Variants in TRUB1 observed in about 807,000 individuals in gnomAD.
The protein encoded by TRUB1 is pseudouridylate synthase TRUB1.
Under a neutral mutation model 33.9 loss-of-function variants are expected in TRUB1, and 23 were observed. The observed-to-expected ratio is 0.68, with a 90% CI of 0.49 to 0.96. The LOEUF (loss-of-function observed/expected upper bound fraction) is 0.96, where lower values mean the gene tolerates loss of function less well. TRUB1 is among the 40% of genes least tolerant of loss of function. The pLI, the probability that TRUB1 is intolerant of heterozygous loss-of-function variation, is 0.00. For missense variants in TRUB1, 378 were observed against 422.2 expected, an observed-to-expected ratio of 0.90 and a Z score of 0.92; for synonymous variants, 163 against 165.4, an observed-to-expected ratio of 0.99 and a Z score of 0.11.
intron 4 of TRUB1, among the ~76,000 whole-genome samples, chr10:114,961,045 T>C (rs1481507833): frequency 6.6e-6 from 1 of 152,154 alleles, no homozygotes; most frequent in African/African-American, 2.4e-5. Flanking sequence ...TAGACAAATC[T>C]GGGTTTAATT....
At chr10:114,961,327 A>G (rs756314175) in intron 4 of TRUB1, among the ~76,000 whole-genome samples, 4 of 152,108 alleles carry the variant, frequency 2.6e-5, no homozygotes, top group Non-Finnish European at 5.9e-5. Context: ...AGGAAGTAAA[A>G]TTAGCAAGAC....
intron 2 of TRUB1, among the ~76,000 whole-genome samples, chr10:114,947,463 A>G (rs940957041): frequency 6.6e-6 from 1 of 152,252 alleles, no homozygotes; most frequent in Non-Finnish European, 1.5e-5. Flanking sequence ...TTAACTTTAG[A>G]GGTTATAGAA....
intron 2 of TRUB1, among the ~76,000 whole-genome samples, chr10:114,946,173 C>T (rs897239283): frequency 5.3e-5 from 8 of 152,096 alleles, no homozygotes; most frequent in African/African-American, 1.7e-4. Context: ...TAACTGTATA[C>T]ATCCTAAGAA....
intron 2 of TRUB1, among the ~76,000 whole-genome samples, chr10:114,944,371 A>G (rs1178446572): frequency 6.6e-6 from 1 of 152,170 alleles, no homozygotes; most frequent in Admixed American, 6.5e-5. Context: ...AACATTATAT[A>G]CTGTATGATT....
chr10:114,966,880 CT>C (rs1004683060), intron 4 of TRUB1, among the ~76,000 whole-genome samples: 2 of 152,112 alleles, frequency 1.3e-5, no homozygotes, highest in African/African-American at 2.4e-5. Flanking sequence ...CTAAAATAGA[CT>C]TTTTTTCCAG....
intron 1 of TRUB1, among the ~76,000 whole-genome samples, chr10:114,942,104 A>G (rs983791449): frequency 1.3e-5 from 2 of 152,082 alleles, no homozygotes; most frequent in African/African-American, 4.8e-5. Context: ...TCTTTAATGA[A>G]TTGAAAATTT....
chr10:114,952,465 GTAGGTAGGTAGGTAGA>G (rs1316089122), intron 3 of TRUB1, among the ~76,000 whole-genome samples: 243 of 76,290 alleles, frequency 3.2e-3, no homozygotes, highest in Non-Finnish European at 7.6e-3. Context: ...AGTAAGGTAG[GTAGGTAGGTAGGTAGA>G]TAGGTAGATA....
At chr10:114,939,530 T>C (rs534476224) in intron 1 of TRUB1, among the ~76,000 whole-genome samples, 9 of 152,320 alleles carry the variant, frequency 5.9e-5, no homozygotes, top group South Asian at 2.1e-4. Flanking sequence ...TGGAAAACTT[T>C]ACACTTTAAA....
chr10:114,961,981 A>C (rs186982045), intron 4 of TRUB1, among the ~76,000 whole-genome samples: 18 of 152,350 alleles, frequency 1.2e-4, no homozygotes, highest in Admixed American at 2.0e-4. Context: ...TTACTTATAC[A>C]TTGAGAAAAA....
At chr10:114,951,237 G>C in intron 3 of TRUB1, 88 bp downstream of exon 3, 1 of 990,780 alleles carries the variant, frequency 1.0e-6, no homozygotes, top group East Asian at 2.5e-5. Flanking sequence ...AATAAACTGA[G>C]TAAACTGCAT....
At chr10:114,954,064 TAA>T (rs377033591) in intron 3 of TRUB1, among the ~76,000 whole-genome samples, 5 of 148,662 alleles carry the variant, frequency 3.4e-5, no homozygotes, top group Admixed American at 3.4e-4. Context: ...TCTATTTCAT[TAA>T]AAAAAAAAAT....
chr10:114,972,483 A>C (rs1416717254), intron 6 of TRUB1, among the ~76,000 whole-genome samples: 1 of 152,210 alleles, frequency 6.6e-6, no homozygotes, highest in African/African-American at 2.4e-5. Context: ...TGCGTTTCTA[A>C]CTGGGCTGAC....
rs369973582 is a variant in TRUB1, at chr10:114,942,325, C to T, written c.287-320C>T. Among the ~76,000 whole-genome samples, 3 of 152,260 alleles carry T rather than the reference C, an allele frequency of 2.0e-5. No individual in the cohort carries two copies. In the East Asian group the frequency reaches 5.8e-4, roughly 29 times the overall value. On this transcript the variant is annotated intron_variant, in intron 1 of 7. Transcript: ENST00000298746. ...TCATGATTCTCTATCTAACAGCCCACCACTACCAAGAATTTACTAGATTTT... is the reference window on the plus strand; with the variant it reads ...TCATGATTCTCTATCTAACAGCCCATCACTACCAAGAATTTACTAGATTTT...
intron 2 of TRUB1, among the ~76,000 whole-genome samples, chr10:114,945,264 G>C (rs1176538455): frequency 6.6e-6 from 1 of 152,180 alleles, no homozygotes; most frequent in East Asian, 1.9e-4. Context: ...TCCTGCTTTT[G>C]TTCCTCATGC....
At chr10:114,940,257 G>A (rs956746989) in intron 1 of TRUB1, among the ~76,000 whole-genome samples, 6 of 152,138 alleles carry the variant, frequency 3.9e-5, no homozygotes, top group Non-Finnish European at 8.8e-5. Context: ...AAGTAGCTGG[G>A]ATTACAGGCA....
chr10:114,938,268 G>C lies in TRUB1; in HGVS notation c.15G>C (p.Glu5Asp), dbSNP rs377229377. Residue 5 changes from glutamate to aspartate, a missense_variant, in exon 1 of 8, where the codon GAG becomes GAC. Coordinates refer to ENST00000298746, the MANE Select transcript of TRUB1 (RefSeq NM_139169.5). ...GCTACAAAAGTATGGCCGCTTCTGA[G>C]GCGGCGGTGGTGTCTTCGCCGTCTT... MAASEAAVVSSPSLK... is the reference protein window; with the variant it reads MAASDAAVVSSPSLK... The C allele has an allele frequency of 3.7e-6, 6 of 1,614,070 alleles. No homozygotes were observed. In the African/African-American group the frequency reaches 8.0e-5, roughly 22 times the overall value.
chr10:114,966,782 T>C (rs2084310584), intron 4 of TRUB1, among the ~76,000 whole-genome samples: 1 of 152,344 alleles, frequency 6.6e-6, no homozygotes, highest in Non-Finnish European at 1.5e-5. Context: ...GAGTTGATTT[T>C]TGTATATTGA....
At chr10:114,970,152 T>C (rs1410542278) in intron 4 of TRUB1, among the ~76,000 whole-genome samples, 1 of 152,156 alleles carries the variant, frequency 6.6e-6, no homozygotes. Context: ...GCAAATGAAA[T>C]TGTTTTAATA....
intron 4 of TRUB1, among the ~76,000 whole-genome samples, chr10:114,966,519 A>T (rs938957232): frequency 6.6e-5 from 10 of 152,206 alleles, no homozygotes; most frequent in Non-Finnish European, 1.2e-4. Context: ...ATGCACACAC[A>T]CACTCAAAAT....
Sources: gnomAD v4.1 joint callset for allele counts (sites outside exome capture counted in the v4.1 genomes callset) on GRCh38, gnomAD v4.1.1 for gene constraint, MANE v1.5 for transcripts, NCBI Gene and HGNC (gene_info 2026-07-23, HGNC 2026-07-21) for gene names.